The following PITPNM3 variants were observed in gnomAD, a reference collection of about 807,000 sequenced individuals.
The protein encoded by PITPNM3 is PITPNM family member 3, also known as membrane-associated phosphatidylinositol transfer protein 3.
PITPNM3 carries 26 observed loss-of-function variants against 102.0 expected under a neutral mutation model. The observed-to-expected ratio is 0.25, with a 90% CI of 0.19 to 0.35. The LOEUF (loss-of-function observed/expected upper bound fraction) is 0.35, where lower values mean the gene tolerates loss of function less well. Among genes scored for constraint, PITPNM3 ranks in the 10% least tolerant of loss-of-function variants. PITPNM3 has a pLI of 1.00. For synonymous variants in PITPNM3, 578 were observed against 558.6 expected (o/e 1.03, Z -0.49); for missense variants, 1,083 against 1,346.1 (o/e 0.80, Z 3.06).
At chr17:6,518,131 T>C (rs549794367) in intron 3 of PITPNM3, among the ~76,000 whole-genome samples, 1 of 152,318 alleles carries the variant, frequency 6.6e-6, no homozygotes, top group East Asian at 1.9e-4. Context: ...GATATCACGT[T>C]AGGGTCACAT....
At chr17:6,455,743 GGAGAAGAA>G in intron 19 of PITPNM3, 100 bp from the exon 20 acceptor site, 1 of 58,882 alleles carries the variant, frequency 1.7e-5, no homozygotes, top group African/African-American at 6.5e-5. Flanking sequence ...GGGAGGGGAG[GGAGAAGAA>G]GGGAAGCGGA....
chr17:6,496,937 C>T (rs1906865437), intron 4 of PITPNM3, among the ~76,000 whole-genome samples: 1 of 152,148 alleles, frequency 6.6e-6, no homozygotes, highest in African/African-American at 2.4e-5. Flanking sequence ...AAAGTGAATG[C>T]ACCAATGCGT....
chr17:6,547,031 T>C (rs969416139), intron 1 of PITPNM3, among the ~76,000 whole-genome samples: 3 of 151,734 alleles, frequency 2.0e-5, no homozygotes, highest in African/African-American at 7.3e-5. Flanking sequence ...AAAAAGTCTG[T>C]ACAGCATTGC....
intron 1 of PITPNM3, among the ~76,000 whole-genome samples, chr17:6,548,977 C>T (rs1217791593): frequency 6.6e-6 from 1 of 152,078 alleles, no homozygotes; most frequent in Non-Finnish European, 1.5e-5. Flanking sequence ...AAGAGGAACA[C>T]CTCCTCTCTG....
chr17:6,510,487 G>T (rs928634964), intron 3 of PITPNM3, among the ~76,000 whole-genome samples: 2 of 152,216 alleles, frequency 1.3e-5, no homozygotes, highest in African/African-American at 4.8e-5. Context: ...TCTTGTTAGA[G>T]CAATTAGCTC....
Position 6,469,174 on chromosome 17 carries a change from C to G in PITPNM3, c.1774-833G>C, listed in dbSNP as rs1436638691. ...AGCACCCTTAGTCTGGCACTCATCG[C>G]CAGTTGTAAATGCCGTCCAAGCTCT... On this transcript the variant is annotated intron_variant, in intron 13 of 19. Transcript: ENST00000262483. The surrounding 1 kb of genome is among the most constrained non-coding windows in gnomAD (Gnocchi z 4.0). 1.3e-5 allele frequency among the ~76,000 whole-genome samples: 2 copies of G among 152,208 alleles called. No homozygotes were observed. The highest frequency in any genetic ancestry group is 2.9e-5 in the Non-Finnish European group (2 of 68,036).
intron 14 of PITPNM3, among the ~76,000 whole-genome samples, chr17:6,467,464 C>T (rs1329026294): frequency 6.6e-6 from 1 of 152,228 alleles, no homozygotes; most frequent in Non-Finnish European, 1.5e-5. Context: ...CTAAAATCCA[C>T]TGAATTGTAC....
In PITPNM3 at chr17:6,538,059, C is replaced by T. The variant is rs773219484; in HGVS notation, c.46G>A (p.Ala16Thr). 6.2e-7 allele frequency: 1 copy of T among 1,612,980 alleles called. No homozygotes were observed. The highest frequency in any genetic ancestry group is 8.5e-7 in the Non-Finnish European group (1 of 1,179,052). ...RAGGPPPGGG[A>T]PWHLRNVLSD... ...AGGACATTTCGAAGGTGCCAGGGGG[C>T]ACCGCCGCCCGGGGGAGGACCACCT... Residue 16 changes from alanine (A) to threonine (T), a missense_variant, in exon 2 of 20, where the codon GCC (alanine) becomes ACC (threonine). By Grantham distance (58) the Ala-to-Thr change is moderately conservative. Transcript: ENST00000262483.
At chr17:6,543,931 C>A (rs1157821715) in intron 1 of PITPNM3, among the ~76,000 whole-genome samples, 1 of 152,198 alleles carries the variant, frequency 6.6e-6, no homozygotes, top group Non-Finnish European at 1.5e-5. Context: ...CGAGCCCTTT[C>A]CAAGGAAAGC....
intron 6 of PITPNM3, chr17:6,479,447 G>A (rs1292084023): frequency 6.6e-6 from 1 of 152,478 alleles, no homozygotes; most frequent in Non-Finnish European, 1.5e-5. Flanking sequence ...AGACTCACCT[G>A]AGACCAGTGC....
chr17:6,461,422 T>C lies in PITPNM3; in HGVS notation c.2441A>G (p.His814Arg), dbSNP rs762610744. The change falls in exon 18 of 20, where the codon CAT becomes CGT. Residue 814 changes from histidine (H) to arginine (R), a missense_variant. This residue lies in a region of PITPNM3 where 410 missense variants were observed against 638.4 expected (regional missense o/e 0.64). Coordinates refer to ENST00000262483, the MANE Select transcript of PITPNM3 (RefSeq NM_031220.4). ...GATGGCCTTCTGCCGCAGCGGGTCA[T>C]GCACCAGCCCATCGGAGAAGAAGAT... ...GMIFFSDGLV[H>R]DPLRQKAIFL... 48 of 1,614,044 alleles carry C rather than the reference T, an allele frequency of 3.0e-5. No individual in the cohort carries two copies. Among genetic ancestry groups the C allele is most frequent in the Non-Finnish European group, 3.7e-5 (44 of 1,180,048 alleles).
In PITPNM3 at chr17:6,489,662, G is replaced by A. The variant is rs554095867; in HGVS notation, c.275-5370C>T. On this transcript the variant is annotated intron_variant, in intron 4 of 19. Transcript: ENST00000262483. Reference sequence around the variant, plus strand: ...GAGGAGAGGCTACTATGAGGAGCAGGAACTTCTTAGACTGTTAGGCCCTTT... The same window carrying A: ...GAGGAGAGGCTACTATGAGGAGCAGAAACTTCTTAGACTGTTAGGCCCTTT... 4.6e-5 allele frequency among the ~76,000 whole-genome samples: 7 copies of A among 152,150 alleles called. No homozygotes were observed. In the East Asian group the frequency reaches 1.4e-3, roughly 29 times the overall value.
At chr17:6,510,960 G>A (rs1450394433) in intron 3 of PITPNM3, among the ~76,000 whole-genome samples, 1 of 152,254 alleles carries the variant, frequency 6.6e-6, no homozygotes, top group Non-Finnish European at 1.5e-5. Context: ...ATTTGACTAG[G>A]AGACAGTGGG....
chr17:6,455,546 C>T lies in PITPNM3; in HGVS notation c.2717G>A (p.Gly906Asp). The T allele has an allele frequency of 6.2e-7, 1 of 1,603,874 alleles. No individual in the cohort carries two copies. ...TGGCTGCGCGTGCAGCCCGAAGCTG[C>T]CCTTGCGCAGGATCATGCGCGAGTT... is the stretch of plus-strand genomic sequence containing the variant. ...KNNSRMILRK[G>D]SFGLHAQPEF... The change falls in exon 20 of 20, where the codon GGC becomes GAC. Residue 906 changes from glycine (G) to aspartate (D), a missense_variant. Gly to Asp is a moderately conservative substitution (Grantham distance 94). Around this residue, in one of 5 missense-constraint regions of PITPNM3, gnomAD observed 208 missense variants for 178.2 expected, o/e 1.17. Coordinates refer to ENST00000262483, the MANE Select transcript of PITPNM3 (RefSeq NM_031220.4).
At chr17:6,500,881 G>A (rs989256621) in intron 4 of PITPNM3, among the ~76,000 whole-genome samples, 2 of 151,954 alleles carry the variant, frequency 1.3e-5, no homozygotes, top group Non-Finnish European at 2.9e-5. Context: ...TCACTATATT[G>A]GTCAGGCTGG....
chr17:6,487,851 G>A (rs550765234), intron 4 of PITPNM3, among the ~76,000 whole-genome samples: 1 of 152,302 alleles, frequency 6.6e-6, no homozygotes, highest in Admixed American at 6.5e-5. Flanking sequence ...CGTGGGGATG[G>A]GAGCCTCAGG....
At chr17:6,514,366 G>A (rs1908034022) in intron 3 of PITPNM3, among the ~76,000 whole-genome samples, 1 of 148,784 alleles carries the variant, frequency 6.7e-6, no homozygotes, top group South Asian at 2.1e-4. Flanking sequence ...TCTGATAAGG[G>A]TCTGGTGTCC....
intron 4 of PITPNM3, among the ~76,000 whole-genome samples, chr17:6,490,802 A>C (rs1906412988): frequency 1.3e-5 from 2 of 150,246 alleles, no homozygotes; most frequent in South Asian, 2.1e-4. Flanking sequence ...AAAAATACAA[A>C]AATTAGACAG....
At chr17:6,508,120 C>T (rs917887531) in intron 3 of PITPNM3, among the ~76,000 whole-genome samples, 1 of 151,578 alleles carries the variant, frequency 6.6e-6, no homozygotes, top group Non-Finnish European at 1.5e-5. Flanking sequence ...AGCTCGGGGA[C>T]CCAGGTGCCA....
Sources: allele counts gnomAD v4.1 joint callset (sites outside exome capture counted in the v4.1 genomes callset), GRCh38; gene constraint gnomAD v4.1.1; regional missense constraint gnomAD v4.1.1; non-coding constraint Gnocchi (gnomAD v3.1); transcripts MANE v1.5; gene names NCBI Gene and HGNC (gene_info 2026-07-23, HGNC 2026-07-21).